The following GRIN2B variants were observed in gnomAD, a reference collection of about 807,000 sequenced individuals.
GRIN2B encodes the protein glutamate receptor ionotropic, NMDA 2B.
GRIN2B carries 5 observed loss-of-function variants against 114.5 expected under a neutral mutation model. That is an observed-to-expected ratio of 0.04 (90% CI 0.02 to 0.09). The LOEUF (loss-of-function observed/expected upper bound fraction) is 0.09, where lower values mean the gene tolerates loss of function less well. Among genes scored for constraint, GRIN2B ranks in the 10% least tolerant of loss-of-function variants. The probability of loss-of-function intolerance (pLI) is 1.00; values close to 1 mark genes in which losing one functional copy is unlikely to be tolerated. For missense variants in GRIN2B, 1,108 were observed against 1,943.5 expected, an observed-to-expected ratio of 0.57 and a Z score of 8.08; for synonymous variants, 787 against 745.1, an observed-to-expected ratio of 1.06 and a Z score of -0.92.
At chr12:13,670,236 G>A (rs988206579) in intron 5 of GRIN2B, 3 of 146,136 alleles carry the variant, frequency 2.1e-5, no homozygotes, top group South Asian at 2.2e-4. Flanking sequence ...TCCAGAGAAC[G>A]ATCTACACAA....
intron 5 of GRIN2B, 108 bp downstream of exon 5, chr12:13,675,637 C>A: frequency 1.3e-6 from 1 of 764,708 alleles, no homozygotes; most frequent in South Asian, 1.4e-5. Flanking sequence ...TGATCCCTTG[C>A]TCCACAGGTC....
At chr12:13,781,965 A>G (rs1179439343) in intron 3 of GRIN2B, among the ~76,000 whole-genome samples, 1 of 152,204 alleles carries the variant, frequency 6.6e-6, no homozygotes. Context: ...GTCTGACATG[A>G]TAACATGAAT....
At chr12:13,627,186 G>A (rs931485867) in intron 5 of GRIN2B, among the ~76,000 whole-genome samples, 3 of 152,152 alleles carry the variant, frequency 2.0e-5, no homozygotes, top group African/African-American at 7.2e-5. Flanking sequence ...GTGAGAGTAT[G>A]AGCAAGATAT....
At position 13,753,317 on chromosome 12, in the gene GRIN2B, C is replaced by G; in HGVS notation, c.1010G>C (p.Arg337Thr). ...KRIYQSNMLNRYLINVTFEGR... is the reference protein window; with the variant it reads ...KRIYQSNMLNTYLINVTFEGR... ...AATGTGCCCTCTGTTCCACACTCAC[C>G]TATTTAGCATATTGGACTGGTAGAT... The change falls in exon 4 of 14, where the codon AGG becomes ACG. Residue 337 changes from arginine to threonine, a missense_variant and splice_region_variant. Coordinates refer to ENST00000609686, the MANE Select transcript of GRIN2B (RefSeq NM_000834.5). The surrounding 1 kb of genome is among the most constrained non-coding windows in gnomAD (Gnocchi z 6.2). 1 of 1,514,220 alleles carries G rather than the reference C, an allele frequency of 6.6e-7. No individual in the cohort carries two copies. Among genetic ancestry groups the G allele is most frequent in the East Asian group, 2.3e-5 (1 of 44,376 alleles). 93.8% of individuals were successfully genotyped at this position (1,514,220 alleles called of 1,614,324 possible).
intron 2 of GRIN2B, among the ~76,000 whole-genome samples, chr12:13,874,046 T>C (rs1865955378): frequency 1.3e-5 from 2 of 152,162 alleles, no homozygotes; most frequent in Admixed American, 1.3e-4. Flanking sequence ...ATAATGCAGG[T>C]AAGGACGCCC....
rs1948553051 is a variant in GRIN2B, at chr12:13,562,119, TG to T, written c.*663del. 6.6e-6 allele frequency: 1 copy of T among 152,572 alleles called. No individual in the cohort carries two copies. Among genetic ancestry groups the T allele is most frequent in the African/African-American group, 2.4e-5 (1 of 41,460 alleles). 9.5% of individuals were successfully genotyped at this position (152,572 alleles called of 1,614,324 possible). ...CACTATCATAACGTACTTTCCAGTTTGTTCAAGAATCCACTCTGCCACCAAT... is the reference window on the plus strand; with the variant it reads ...CACTATCATAACGTACTTTCCAGTTTTTCAAGAATCCACTCTGCCACCAAT... On this transcript the variant is annotated 3_prime_UTR_variant, in exon 14 of 14. Transcript: ENST00000609686.
intron 4 of GRIN2B, among the ~76,000 whole-genome samples, chr12:13,705,694 T>C (rs894113179): frequency 2.0e-5 from 3 of 152,158 alleles, no homozygotes; most frequent in African/African-American, 4.8e-5. Flanking sequence ...AGCAGTTACT[T>C]TGAATTTAGT....
In GRIN2B at chr12:13,866,110, G is replaced by A. The variant is rs77738206; in HGVS notation, c.99C>T (p.Pro33=). ...GSRARSQKSP[P]SIGIAVILVG... Reference sequence around the variant, plus strand: ...CGAGGATGACAGCAATGCCAATGCTGGGGGGGCTCTTCTGAGAACGAGCTC... The same window carrying A: ...CGAGGATGACAGCAATGCCAATGCTAGGGGGGCTCTTCTGAGAACGAGCTC... Residue 33 remains proline (P), a synonymous_variant, in exon 3 of 14, where the codon CCC becomes CCT. Coordinates refer to ENST00000609686, the MANE Select transcript of GRIN2B (RefSeq NM_000834.5). The A allele has an allele frequency of 1.9e-6, 3 of 1,613,570 alleles. No individual in the cohort carries two copies. In the South Asian group the frequency reaches 3.3e-5, roughly 18 times the overall value.
At chr12:13,766,262 G>T (rs971282918) in intron 3 of GRIN2B, among the ~76,000 whole-genome samples, 1 of 152,222 alleles carries the variant, frequency 6.6e-6, no homozygotes, top group Admixed American at 6.5e-5. Context: ...AATTATTGAC[G>T]ATGTTCCTTA....
chr12:13,886,539 C>T (rs1866161093), intron 2 of GRIN2B, among the ~76,000 whole-genome samples: 1 of 152,106 alleles, frequency 6.6e-6, no homozygotes, highest in African/African-American at 2.4e-5. Context: ...TATTGATGAA[C>T]AAGCAGGAAG....
intron 4 of GRIN2B, among the ~76,000 whole-genome samples, chr12:13,692,380 T>C (rs2136559014): frequency 6.6e-6 from 1 of 152,228 alleles, no homozygotes; most frequent in South Asian, 2.1e-4. Flanking sequence ...TCAGAATACA[T>C]ACAGCAGGTC....
chr12:13,790,147 C>T (rs1864295636), intron 3 of GRIN2B, among the ~76,000 whole-genome samples: 1 of 152,220 alleles, frequency 6.6e-6, no homozygotes, highest in African/African-American at 2.4e-5. Context: ...CCTCTCCTGG[C>T]CTCCATCTGC....
rs776703539 is a variant in GRIN2B, at chr12:13,615,669, C to A, written c.1329-5G>T. 6.8e-6 allele frequency: 11 copies of A among 1,611,750 alleles called. No homozygotes were observed. Among genetic ancestry groups the A allele is most frequent in the Non-Finnish European group, 9.3e-6 (11 of 1,177,994 alleles). ...GGCTCCTCGTCTGTTTTATTCCTAGCCAATTAAAGAAACAAAAACAAACAA... is the reference window on the plus strand; with the variant it reads ...GGCTCCTCGTCTGTTTTATTCCTAGACAATTAAAGAAACAAAAACAAACAA... On this transcript the variant is annotated splice_polypyrimidine_tract_variant and splice_region_variant and intron_variant, in intron 6 of 13. Coordinates refer to ENST00000609686, the MANE Select transcript of GRIN2B (RefSeq NM_000834.5). The surrounding 1 kb of genome is among the most constrained non-coding windows in gnomAD (Gnocchi z 5.8).
chr12:13,851,838 G>A (rs1202110253), intron 3 of GRIN2B, among the ~76,000 whole-genome samples: 2 of 152,212 alleles, frequency 1.3e-5, no homozygotes, highest in Admixed American at 1.3e-4. Flanking sequence ...AAAGAGGTTG[G>A]AAGGAGATGG....
At chr12:13,951,415 T>A (rs2136848576) in intron 2 of GRIN2B, among the ~76,000 whole-genome samples, 1 of 152,074 alleles carries the variant, frequency 6.6e-6, no homozygotes, top group South Asian at 2.1e-4. Context: ...AATAAGAAAA[T>A]CCAACGTAAA....
rs1235646416 is a variant in GRIN2B, at chr12:13,562,700, C to G, written c.*83G>C. On this transcript the variant is annotated 3_prime_UTR_variant, in exon 14 of 14. Transcript: ENST00000609686. The stretch of plus-strand genomic sequence containing the variant: ...AGGAGCAAATGGGAACCAAGTTCAC[C>G]CCCGTCACCCTCCGTGACATGCGCA... 1.1e-5 allele frequency: 12 copies of G among 1,137,156 alleles called. No homozygotes were observed. Among genetic ancestry groups the G allele is most frequent in the Admixed American group, 1.7e-5 (1 of 58,764 alleles). 70.4% of individuals were successfully genotyped at this position (1,137,156 alleles called of 1,614,324 possible).
At chr12:13,809,456 A>C (rs1864685362) in intron 3 of GRIN2B, among the ~76,000 whole-genome samples, 1 of 152,218 alleles carries the variant, frequency 6.6e-6, no homozygotes, top group Admixed American at 6.5e-5. Flanking sequence ...TTTTAAGAGG[A>C]TTAAAAGAGA....
intron 4 of GRIN2B, among the ~76,000 whole-genome samples, chr12:13,714,984 A>G (rs1327973564): frequency 6.6e-6 from 1 of 151,908 alleles, no homozygotes; most frequent in Non-Finnish European, 1.5e-5. Context: ...AACCACCTGA[A>G]GAGAGTGGGC....
intron 2 of GRIN2B, among the ~76,000 whole-genome samples, chr12:13,935,947 C>G (rs1479103069): frequency 6.6e-6 from 1 of 152,132 alleles, no homozygotes; most frequent in Non-Finnish European, 1.5e-5. Flanking sequence ...GGCTTTTTGG[C>G]CTAGAGACAA....
Sources: gnomAD v4.1 joint callset for allele counts (sites outside exome capture counted in the v4.1 genomes callset) on GRCh38, gnomAD v4.1.1 for gene constraint, Gnocchi (gnomAD v3.1) non-coding constraint, MANE v1.5 for transcripts, NCBI Gene and HGNC (gene_info 2026-07-23, HGNC 2026-07-21) for gene names.